Variants in ASPRV1 observed in about 807,000 individuals in gnomAD.
ASPRV1 encodes the protein aspartic peptidase retroviral like 1, also known as retroviral-like aspartic protease 1.
ASPRV1 carries 7 observed loss-of-function variants against 11.0 expected under a neutral mutation model. The observed-to-expected ratio is 0.64, with a 90% CI of 0.36 to 1.20. The LOEUF is 1.20. ASPRV1 is among the 50% of genes most tolerant of loss of function. The pLI is 0.02. For synonymous variants in ASPRV1, 136 were observed against 138.4 expected (o/e 0.98, Z 0.12); for missense variants, 299 against 320.0 (o/e 0.93, Z 0.50).
chr2:69,989,281 G>A, the ASPRV1 span, among the ~76,000 whole-genome samples: 2 of 152,238 alleles, frequency 1.3e-5, no homozygotes, highest in African/African-American at 4.8e-5. Flanking sequence ...GGAAACCTTG[G>A]CTCCAAGTCC....
the ASPRV1 span, chr2:70,064,059 T>C: frequency 2.6e-5 from 4 of 152,234 alleles, no homozygotes; most frequent in Admixed American, 2.0e-4. Context: ...CCTACCCAGA[T>C]TCTCAACCTT....
downstream of ASPRV1, among the ~76,000 whole-genome samples, chr2:69,959,057 A>C (rs115833431): frequency 9.5e-3 from 1,447 of 152,230 alleles, 17 homozygotes; most frequent in African/African-American, 0.033. Context: ...ATCGGAGGGA[A>C]GAAGGGGCCA....
chr2:69,963,924 G>C (rs1678239460), upstream of ASPRV1, among the ~76,000 whole-genome samples: 1 of 152,218 alleles, frequency 6.6e-6, no homozygotes, highest in South Asian at 2.1e-4. Context: ...GGTCTGGTGG[G>C]CAGTGGACAA....
chr2:70,000,889 G>C, the ASPRV1 span, among the ~76,000 whole-genome samples: 1 of 151,410 alleles, frequency 6.6e-6, no homozygotes, highest in Non-Finnish European at 1.5e-5. Context: ...ACCAACGGCT[G>C]GCCTGTAAAA....
the ASPRV1 span, among the ~76,000 whole-genome samples, chr2:70,023,791 T>G: frequency 6.6e-6 from 1 of 152,238 alleles, no homozygotes; most frequent in African/African-American, 2.4e-5. Context: ...ATTGTTGGTC[T>G]TTTTATAATT....
At chr2:69,975,320 A>G in the ASPRV1 span, 5 of 152,630 alleles carry the variant, frequency 3.3e-5, no homozygotes, top group African/African-American at 4.8e-5. Flanking sequence ...TGGAGCCCAC[A>G]GACAGCAAGA....
At position 69,961,483 on chromosome 2, in the gene ASPRV1, A is replaced by G; in HGVS notation, c.-47T>C. 1 of 1,614,080 alleles carries G rather than the reference A, an allele frequency of 6.2e-7. No individual in the cohort carries two copies. The highest frequency in any genetic ancestry group is 8.5e-7 in the Non-Finnish European group (1 of 1,180,020). Reference sequence around the variant, plus strand: ...CTCAGCAGCAACCCACGCCAAGAAGAGAAACCCACAGAGCAGTGTCGGCGC... The same window carrying G: ...CTCAGCAGCAACCCACGCCAAGAAGGGAAACCCACAGAGCAGTGTCGGCGC... On this transcript the variant is annotated 5_prime_UTR_variant, in exon 1 of 1. Transcript: ENST00000320256.
At chr2:70,032,779 G>A in the ASPRV1 span, among the ~76,000 whole-genome samples, 1 of 152,174 alleles carries the variant, frequency 6.6e-6, no homozygotes, top group African/African-American at 2.4e-5. Context: ...TGGTGTGGCT[G>A]AGGAGGCTGC....
At chr2:70,083,224 G>A in the ASPRV1 span, among the ~76,000 whole-genome samples, 10 of 152,198 alleles carry the variant, frequency 6.6e-5, no homozygotes, top group African/African-American at 2.2e-4. Flanking sequence ...GCCATGGAAA[G>A]GTGTAATCCA....
At chr2:70,007,605 TTG>T in the ASPRV1 span, among the ~76,000 whole-genome samples, 2 of 151,014 alleles carry the variant, frequency 1.3e-5, no homozygotes, top group Admixed American at 6.8e-5. Flanking sequence ...AATAGAAAAA[TTG>T]TGCTAAATTT....
chr2:69,952,563 A>G, the ASPRV1 span, among the ~76,000 whole-genome samples: 1 of 151,600 alleles, frequency 6.6e-6, no homozygotes, highest in Non-Finnish European at 1.5e-5. Context: ...GGAAGAAAAG[A>G]AAAGAAAAAA....
the ASPRV1 span, among the ~76,000 whole-genome samples, chr2:70,044,616 C>A: frequency 1.3e-5 from 2 of 152,180 alleles, no homozygotes; most frequent in Non-Finnish European, 2.9e-5. Flanking sequence ...TGAGCCACCA[C>A]GCCCAGCTAA....
At chr2:70,026,599 C>T in the ASPRV1 span, among the ~76,000 whole-genome samples, 1 of 150,226 alleles carries the variant, frequency 6.7e-6, no homozygotes, top group Non-Finnish European at 1.5e-5. Flanking sequence ...ATTCCACTAA[C>T]AATAGCAAAA....
chr2:70,058,878 C>T, the ASPRV1 span, among the ~76,000 whole-genome samples: 5 of 147,294 alleles, frequency 3.4e-5, no homozygotes, highest in Non-Finnish European at 7.4e-5. Context: ...GTTTTATTAC[C>T]CAACTTTTTT....
the ASPRV1 span, among the ~76,000 whole-genome samples, chr2:70,009,476 T>C: frequency 6.6e-6 from 1 of 151,888 alleles, no homozygotes; most frequent in African/African-American, 2.4e-5. Flanking sequence ...ATTACAGGCA[T>C]GCACCACCAT....
the ASPRV1 span, among the ~76,000 whole-genome samples, chr2:70,021,264 T>C: frequency 2.0e-5 from 3 of 152,146 alleles, no homozygotes; most frequent in African/African-American, 7.2e-5. Flanking sequence ...TAGTATTCCA[T>C]GGTGTGTACA....
At chr2:69,996,214 C>A in the ASPRV1 span, among the ~76,000 whole-genome samples, 82 of 53,834 alleles carry the variant, frequency 1.5e-3, no homozygotes, top group African/African-American at 2.3e-3. Flanking sequence ...CCCCATCTCT[C>A]AAAAAAAAAA....
At chr2:70,075,762 T>C in the ASPRV1 span, among the ~76,000 whole-genome samples, 9 of 151,960 alleles carry the variant, frequency 5.9e-5, no homozygotes, top group Admixed American at 1.3e-4. Context: ...GGCAGGAGAA[T>C]TGCCTGAACC....
the ASPRV1 span, among the ~76,000 whole-genome samples, chr2:69,984,206 T>A: frequency 6.6e-6 from 1 of 151,974 alleles, no homozygotes; most frequent in Non-Finnish European, 1.5e-5. Flanking sequence ...ACCCAGCTAA[T>A]TTTTGTATTT....
Sources: gnomAD v4.1 joint callset for allele counts (sites outside exome capture counted in the v4.1 genomes callset) on GRCh38, gnomAD v4.1.1 for gene constraint, MANE v1.5 for transcripts, NCBI Gene and HGNC (gene_info 2026-07-23, HGNC 2026-07-21) for gene names.